PCDHA7: variants seen among roughly 807,000 people sequenced by gnomAD.
The protein encoded by PCDHA7 is protocadherin alpha 7.
In PCDHA7, 37 loss-of-function variants were observed where a neutral mutation model predicts 57.2. The ratio of observed to expected loss-of-function variants is 0.65; its 90% confidence interval spans 0.50 to 0.85. PCDHA7 has a LOEUF of 0.85. PCDHA7 is among the 40% of genes least tolerant of loss of function. The pLI is 0.00. For synonymous variants in PCDHA7, 553 were observed against 558.8 expected, an observed-to-expected ratio of 0.99 and a Z score of 0.15; for missense variants, 1,188 against 1,241.8, an observed-to-expected ratio of 0.96 and a Z score of 0.65.
chr5:140,951,544 G>T (rs543008494), intron 1 of PCDHA7, among the ~76,000 whole-genome samples: 1 of 151,878 alleles, frequency 6.6e-6, no homozygotes, highest in Non-Finnish European at 1.5e-5. Flanking sequence ...AGCAAGGGAC[G>T]GGGGGAAGTG....
chr5:140,922,790 C>G (rs1174493923), intron 1 of PCDHA7, among the ~76,000 whole-genome samples: 3 of 152,074 alleles, frequency 2.0e-5, no homozygotes, highest in African/African-American at 7.2e-5. Flanking sequence ...AAAACTGTAG[C>G]TTTGGAATAC....
At position 140,857,752 on chromosome 5, in the gene PCDHA7, C is replaced by G. The variant is rs7725388; in HGVS notation, c.2355+21014C>G. ...ACGCTCCCGCGCTGCTGGCGTCTCCCGCTGGCAGCGCGGGCGGTGCAGTCA... is the reference window on the plus strand; with the variant it reads ...ACGCTCCCGCGCTGCTGGCGTCTCCGGCTGGCAGCGCGGGCGGTGCAGTCA... On this transcript the variant is annotated intron_variant, in intron 1 of 3. Transcript: ENST00000525929. The G allele has an allele frequency of 4.5e-3, 7,184 of 1,597,166 alleles. 625 individuals are homozygous for G. The African/African-American group carries it at 0.078, about 17-fold the overall frequency.
At chr5:140,870,906 C>A (rs201710263) in intron 1 of PCDHA7, 2 of 1,613,946 alleles carry the variant, frequency 1.2e-6, no homozygotes, top group South Asian at 2.2e-5. Flanking sequence ...CGGACTCAGG[C>A]TACAACGCGT....
intron 1 of PCDHA7, among the ~76,000 whole-genome samples, chr5:140,942,598 A>C: frequency 7.1e-6 from 1 of 140,144 alleles, no homozygotes; most frequent in East Asian, 2.1e-4. Flanking sequence ...ATATAATTAT[A>C]GTGTTTATAT....
At chr5:140,842,201 A>G (rs2150331632) in intron 1 of PCDHA7, 2 of 1,613,740 alleles carry the variant, frequency 1.2e-6, no homozygotes, top group East Asian at 2.2e-5. Context: ...TGACCACTTT[A>G]GCATAGATCG....
chr5:140,878,370 T>G (rs1049956194), intron 1 of PCDHA7, among the ~76,000 whole-genome samples: 1 of 152,272 alleles, frequency 6.6e-6, no homozygotes, highest in Non-Finnish European at 1.5e-5. Context: ...GTCTGACATA[T>G]GATGAATGAT....
intron 1 of PCDHA7, among the ~76,000 whole-genome samples, chr5:140,919,272 T>C (rs1287919874): frequency 6.6e-6 from 1 of 152,258 alleles, no homozygotes; most frequent in Non-Finnish European, 1.5e-5. Context: ...GTGTAGTCAC[T>C]CCAGCTATCT....
intron 1 of PCDHA7, chr5:140,848,244 GA>G (rs1299433066): frequency 2.9e-5 from 13 of 449,890 alleles, no homozygotes; most frequent in Non-Finnish European, 5.1e-5. Context: ...AAGTTTTGCA[GA>G]ATAACTGTGA....
intron 1 of PCDHA7, chr5:140,848,452 T>C (rs1402263047): frequency 1.3e-6 from 2 of 1,520,140 alleles, no homozygotes; most frequent in Non-Finnish European, 1.8e-6. Flanking sequence ...TTCTTCTAAT[T>C]TGGAGGCAAT....
In PCDHA7 at chr5:140,990,740, G is replaced by C. The variant is rs76434886; in HGVS notation, c.2503+8177G>C. Among the ~76,000 whole-genome samples the C allele has an allele frequency of 8.5e-3, 1,294 of 152,288 alleles. 21 individuals carry two copies. Among genetic ancestry groups the C allele is most frequent in the African/African-American group, 0.029 (1,222 of 41,552 alleles). ...ATCACTAGGTATATCAACAGCCCTA[G>C]GGTGGATACCTTTGAGCCTGTAAAT... On this transcript the variant is annotated intron_variant, in intron 3 of 3. Coordinates refer to ENST00000525929, the MANE Select transcript of PCDHA7 (RefSeq NM_018910.3).
chr5:140,872,356 G>C (rs2053615726), intron 1 of PCDHA7, among the ~76,000 whole-genome samples: 1 of 152,160 alleles, frequency 6.6e-6, no homozygotes, highest in African/African-American at 2.4e-5. Flanking sequence ...GCCAGGCAAA[G>C]TGGTTCAGGC....
chr5:140,870,805 C>T, intron 1 of PCDHA7: 4 of 1,613,712 alleles, frequency 2.5e-6, no homozygotes, highest in Non-Finnish European at 3.4e-6. Flanking sequence ...GCTGGCGACT[C>T]AGGCTGGCAG....
chr5:140,838,244 G>A (rs1372782254), intron 1 of PCDHA7, among the ~76,000 whole-genome samples: 4 of 149,760 alleles, frequency 2.7e-5, no homozygotes, highest in Non-Finnish European at 5.9e-5. Flanking sequence ...CTCCCAAGTA[G>A]CTGGGATTAA....
intron 1 of PCDHA7, among the ~76,000 whole-genome samples, chr5:140,855,588 A>G (rs924591016): frequency 6.7e-6 from 1 of 149,870 alleles, no homozygotes; most frequent in Non-Finnish European, 1.5e-5. Flanking sequence ...AAATATTAGT[A>G]TACTCAGTAG....
At chr5:140,863,357 G>A (rs1320011614) in intron 1 of PCDHA7, 2 of 1,259,586 alleles carry the variant, frequency 1.6e-6, no homozygotes, top group South Asian at 1.2e-5. Context: ...ACGACGCTGC[G>A]GTGCTTGGCG....
At chr5:140,949,597 C>T (rs1279469149) in intron 1 of PCDHA7, among the ~76,000 whole-genome samples, 1 of 151,600 alleles carries the variant, frequency 6.6e-6, no homozygotes, top group African/African-American at 2.4e-5. Flanking sequence ...TTAATGTGGC[C>T]ATTCTAGTCT....
intron 1 of PCDHA7, chr5:140,881,365 T>A (rs1216010175): frequency 1.0e-6 from 1 of 985,144 alleles, no homozygotes; most frequent in Non-Finnish European, 1.2e-6. Flanking sequence ...GGCTTTCGTA[T>A]GAATTGCAGC....
Position 140,876,798 on chromosome 5 carries a change from C to G in PCDHA7, c.2355+40060C>G, listed in dbSNP as rs199586239. 1.6e-4 allele frequency: 252 copies of G among 1,614,180 alleles called. 4 individuals are homozygous for G. The East Asian group carries it at 3.4e-3, about 22-fold the overall frequency. ...CGCTGTGGGCCACGGCTAGAGTGTC[C>G]GTGGAGGTGGCCGACGTGAACGACA... On this transcript the variant is annotated intron_variant, in intron 1 of 3. Coordinates refer to ENST00000525929, the MANE Select transcript of PCDHA7 (RefSeq NM_018910.3).
At chr5:140,884,166 C>G (rs1554181300) in intron 1 of PCDHA7, 2 of 1,613,430 alleles carry the variant, frequency 1.2e-6, no homozygotes, top group Non-Finnish European at 8.5e-7. Flanking sequence ...GAGATCAGCA[C>G]GACGCGCCCT....
Sources: gnomAD v4.1 joint callset for allele counts (sites outside exome capture counted in the v4.1 genomes callset) on GRCh38, gnomAD v4.1.1 for gene constraint, MANE v1.5 for transcripts, NCBI Gene and HGNC (gene_info 2026-07-23, HGNC 2026-07-21) for gene names.